Variants in BBS9 observed in about 807,000 individuals in gnomAD.
The protein encoded by BBS9 is protein PTHB1.
In BBS9, 89 loss-of-function variants were observed where a neutral mutation model predicts 117.7. The ratio of observed to expected loss-of-function variants is 0.76; its 90% CI spans 0.64 to 0.90. The LOEUF (loss-of-function observed/expected upper bound fraction) is 0.90, where lower values mean the gene tolerates loss of function less well. Ranked by LOEUF, BBS9 falls within the 40% of genes least tolerant of loss-of-function variation. The pLI is 0.00. For synonymous variants in BBS9, 379 were observed against 370.9 expected, an observed-to-expected ratio of 1.02 and a Z score of -0.25; for missense variants, 982 against 1,042.2, an observed-to-expected ratio of 0.94 and a Z score of 0.80.
intron 9 of BBS9, among the ~76,000 whole-genome samples, chr7:33,300,969 T>C (rs1806280285): frequency 6.6e-6 from 1 of 152,186 alleles, no homozygotes; most frequent in African/African-American, 2.4e-5. Context: ...TTATTTTCTT[T>C]CAGCACTTTG....
At chr7:33,609,285 A>C (rs1334241520), downstream of BBS9, among the ~76,000 whole-genome samples, 2 of 152,094 alleles carry the variant, frequency 1.3e-5, no homozygotes, top group African/African-American at 4.8e-5. Flanking sequence ...CATTACCACT[A>C]GTATTTTATT....
intron 19 of BBS9, among the ~76,000 whole-genome samples, chr7:33,456,563 TA>T (rs563057705): frequency 1.3e-5 from 2 of 152,140 alleles, no homozygotes; most frequent in Admixed American, 6.5e-5. Context: ...GTTTTTGAGT[TA>T]AAAAAACAAA....
intron 9 of BBS9, among the ~76,000 whole-genome samples, chr7:33,306,010 T>A (rs1807856704): frequency 6.6e-6 from 1 of 152,084 alleles, no homozygotes; most frequent in Non-Finnish European, 1.5e-5. Flanking sequence ...GAGGTTTTTC[T>A]ACTTTTTTGA....
At chr7:33,228,282 A>G (rs1246548563) in intron 5 of BBS9, among the ~76,000 whole-genome samples, 1 of 151,986 alleles carries the variant, frequency 6.6e-6, no homozygotes, top group African/African-American at 2.4e-5. Flanking sequence ...TCCTTTTTTG[A>G]GAATTGTCTA....
chr7:33,192,875 C>T (rs768451568), intron 5 of BBS9, among the ~76,000 whole-genome samples: 15 of 152,218 alleles, frequency 9.9e-5, no homozygotes, highest in Non-Finnish European at 1.6e-4. Flanking sequence ...CATTCTTTCA[C>T]AAGGCACTAA....
intron 19 of BBS9, among the ~76,000 whole-genome samples, chr7:33,501,459 A>G (rs775874583): frequency 3.3e-5 from 5 of 152,186 alleles, no homozygotes; most frequent in African/African-American, 7.2e-5. Flanking sequence ...TCCTTCCACA[A>G]TGGCACAGGA....
At chr7:33,611,162 A>G (rs1864835387) in intron 21 of BBS9, among the ~76,000 whole-genome samples, 1 of 151,964 alleles carries the variant, frequency 6.6e-6, no homozygotes, top group Non-Finnish European at 1.5e-5. Context: ...GGCTACAGTA[A>G]TCATGTTTAT....
intron 21 of BBS9, among the ~76,000 whole-genome samples, chr7:33,547,297 C>T (rs186027162): frequency 6.6e-5 from 10 of 152,190 alleles, no homozygotes; most frequent in Admixed American, 5.9e-4. Flanking sequence ...AAAAAGTAGG[C>T]TATTGTCAGG....
chr7:33,354,508 A>G (rs539167910), intron 15 of BBS9, among the ~76,000 whole-genome samples: 1 of 152,280 alleles, frequency 6.6e-6, no homozygotes, highest in African/African-American at 2.4e-5. Flanking sequence ...GAATCAAGGA[A>G]GTTCTGGCTA....
intron 5 of BBS9, among the ~76,000 whole-genome samples, chr7:33,250,119 A>G (rs1429539557): frequency 6.6e-6 from 1 of 152,202 alleles, no homozygotes; most frequent in African/African-American, 2.4e-5. Flanking sequence ...GTGTGTTATA[A>G]TGGAGCCAGA....
chr7:33,162,679 T>C (rs1039825876), intron 4 of BBS9, among the ~76,000 whole-genome samples: 1 of 152,168 alleles, frequency 6.6e-6, no homozygotes, highest in African/African-American at 2.4e-5. Context: ...ACATTGATTT[T>C]GTATACTGAG....
At chr7:33,438,585 C>T (rs1304432114) in intron 19 of BBS9, among the ~76,000 whole-genome samples, 1 of 152,102 alleles carries the variant, frequency 6.6e-6, no homozygotes, top group Non-Finnish European at 1.5e-5. Context: ...GAAATTAAAA[C>T]CCATAGGGAA....
chr7:33,522,634 A>C (rs1202755407), intron 20 of BBS9, among the ~76,000 whole-genome samples: 1 of 151,534 alleles, frequency 6.6e-6, no homozygotes, highest in African/African-American at 2.4e-5. Context: ...TTCATTGTAG[A>C]TTCTGGATAT....
intron 4 of BBS9, among the ~76,000 whole-genome samples, chr7:33,163,513 T>C (rs896638897): frequency 7.9e-5 from 12 of 152,174 alleles, no homozygotes; most frequent in African/African-American, 2.9e-4. Flanking sequence ...TCAGAACCTG[T>C]TATTTGTCTA....
intron 19 of BBS9, among the ~76,000 whole-genome samples, chr7:33,480,473 C>T (rs965793833): frequency 6.6e-6 from 1 of 152,086 alleles, no homozygotes; most frequent in Non-Finnish European, 1.5e-5. Context: ...AAATAAATGG[C>T]AGAGGAATTC....
At chr7:33,173,318 C>T (rs1054640350) in intron 4 of BBS9, among the ~76,000 whole-genome samples, 1 of 151,994 alleles carries the variant, frequency 6.6e-6, no homozygotes, top group African/African-American at 2.4e-5. Flanking sequence ...CAGTGGCTCA[C>T]GTCTGTAATC....
At chr7:33,251,147 A>C (rs1268709431) in intron 5 of BBS9, among the ~76,000 whole-genome samples, 1 of 152,182 alleles carries the variant, frequency 6.6e-6, no homozygotes, top group Non-Finnish European at 1.5e-5. Flanking sequence ...AGTTCAGAGG[A>C]AGATTTGGCT....
chr7:33,231,643 T>C (rs374302107), intron 5 of BBS9, among the ~76,000 whole-genome samples: 8 of 152,106 alleles, frequency 5.3e-5, no homozygotes, highest in African/African-American at 1.9e-4. Flanking sequence ...TTGGACCCTT[T>C]ATTTTTAAAA....
intron 5 of BBS9, chr7:33,242,863 ATGCATAACAT>A (rs1390841043): frequency 2.0e-6 from 1 of 506,642 alleles, no homozygotes; most frequent in East Asian, 5.5e-5. Context: ...TACCTACACT[ATGCATAACAT>A]TCAGTTGGAG....
Sources: allele counts gnomAD v4.1 joint callset (sites outside exome capture counted in the v4.1 genomes callset), GRCh38; gene constraint gnomAD v4.1.1; transcripts MANE v1.5; gene names NCBI Gene and HGNC (gene_info 2026-07-23, HGNC 2026-07-21).